ARHGEF12: variants seen among roughly 807,000 people sequenced by gnomAD.
ARHGEF12 encodes the protein Rho guanine nucleotide exchange factor 12.
ARHGEF12 carries 66 observed loss-of-function variants against 211.2 expected under a neutral mutation model. The observed-to-expected ratio is 0.31, with a 90% confidence interval of 0.26 to 0.38. The LOEUF (loss-of-function observed/expected upper bound fraction) is 0.38. ARHGEF12 is among the 10% of genes least tolerant of loss of function. The pLI is 1.00. For synonymous variants in ARHGEF12, 592 were observed against 638.4 expected, an observed-to-expected ratio of 0.93 and a Z score of 1.09; for missense variants, 1,429 against 1,869.5, an observed-to-expected ratio of 0.76 and a Z score of 4.34.
intron 3 of ARHGEF12, 93 bp downstream of exon 3, chr11:120,407,916 T>C: frequency 9.1e-7 from 1 of 1,101,292 alleles, no homozygotes; most frequent in Non-Finnish European, 1.4e-6. Flanking sequence ...GGAATAGTTG[T>C]TTGATCTGTT....
intron 5 of ARHGEF12, 79 bp from the exon 6 acceptor site, chr11:120,421,724 T>G: frequency 7.3e-7 from 1 of 1,367,710 alleles, no homozygotes; most frequent in African/African-American, 1.4e-5. Context: ...TTAACCAGTT[T>G]GTTATACTGT....
chr11:120,457,073 T>A, intron 22 of ARHGEF12, 45 bp from the exon 23 acceptor site: 1 of 1,588,046 alleles, frequency 6.3e-7, no homozygotes, highest in Non-Finnish European at 8.6e-7. Context: ...ACCAGTGACT[T>A]TATTAAGTAT....
chr11:120,421,426 C>CTTTT (rs1945181934), intron 5 of ARHGEF12, among the ~76,000 whole-genome samples: 5 of 136,916 alleles, frequency 3.7e-5, no homozygotes, highest in Admixed American at 1.5e-4. Context: ...ACTTTACAGC[C>CTTTT]TTGTTTTTTT....
At chr11:120,351,419 A>T in intron 1 of ARHGEF12, among the ~76,000 whole-genome samples, 1 of 1,788 alleles carries the variant, frequency 5.6e-4, no homozygotes, top group Non-Finnish European at 9.0e-4. Context: ...ATATATATAT[A>T]TATATATATA....
Position 120,396,856 on chromosome 11 carries a change from G to C in ARHGEF12, c.33-9262G>C, listed in dbSNP as rs886291168. ...GAAGTTAAGACTTCAGCATGTCTTT[G>C]GAGATAACACAATTCAACCTGCAAC... On this transcript the variant is annotated intron_variant, in intron 1 of 40. Transcript: ENST00000397843. Among the ~76,000 whole-genome samples, 11 of 152,138 alleles carry C rather than the reference G, an allele frequency of 7.2e-5. No individual in the cohort carries two copies. The East Asian group carries it at 2.1e-3, about 29-fold the overall frequency.
At chr11:120,393,598 A>G (rs796913713) in intron 1 of ARHGEF12, among the ~76,000 whole-genome samples, 13 of 152,358 alleles carry the variant, frequency 8.5e-5, no homozygotes, top group African/African-American at 1.7e-4. Context: ...TCGTACTGAT[A>G]AAAGGGTCAA....
At chr11:120,371,302 A>G (rs140183462) in intron 1 of ARHGEF12, among the ~76,000 whole-genome samples, 1 of 152,212 alleles carries the variant, frequency 6.6e-6, no homozygotes, top group Admixed American at 6.5e-5. Context: ...CAGCCTGACC[A>G]ACATGGAGAA....
chr11:120,457,939 C>A, intron 24 of ARHGEF12, 141 bp from the exon 25 acceptor site: 1 of 1,169,894 alleles, frequency 8.5e-7, no homozygotes, highest in Non-Finnish European at 1.2e-6. Context: ...TATAAAACAG[C>A]CATTTGTAGG....
rs75981751 is a variant in ARHGEF12, at chr11:120,467,799, T to C, written c.2854+491T>C. On this transcript the variant is annotated intron_variant, in intron 29 of 40. Transcript: ENST00000397843. ...TGTTTGATATAATGTACTCCATTAG[T>C]AGCTTTAGTACGGGGTATATCAAAC... 8.9e-3 allele frequency among the ~76,000 whole-genome samples: 1,353 copies of C among 152,262 alleles called. 90 individuals carry two copies. In the South Asian group the frequency reaches 0.16, roughly 18 times the overall value.
At chr11:120,337,932 G>A in intron 1 of ARHGEF12, 1 of 982,044 alleles carries the variant, frequency 1.0e-6, no homozygotes, top group Non-Finnish European at 1.2e-6. Flanking sequence ...GAAACACTTG[G>A]CGTTTAAGAG....
chr11:120,447,213 A>T, intron 18 of ARHGEF12, 128 bp downstream of exon 18: 1 of 1,036,418 alleles, frequency 9.6e-7, no homozygotes, highest in Non-Finnish European at 1.3e-6. Context: ...TTGTCATAGT[A>T]CTTGAGAAAC....
At chr11:120,448,037 G>A (rs558436837) in intron 19 of ARHGEF12, 131 bp downstream of exon 19, 1 of 829,382 alleles carries the variant, frequency 1.2e-6, no homozygotes, top group Non-Finnish European at 1.9e-6. Context: ...CTGGTGGCTT[G>A]TATGTTATTT....
intron 1 of ARHGEF12, among the ~76,000 whole-genome samples, chr11:120,400,474 A>G (rs1306429861): frequency 6.6e-6 from 1 of 152,186 alleles, no homozygotes; most frequent in Admixed American, 6.5e-5. Flanking sequence ...CTTTCCTAGC[A>G]GTTCTTTTTA....
intron 1 of ARHGEF12, among the ~76,000 whole-genome samples, chr11:120,390,731 A>T (rs931533893): frequency 2.6e-5 from 4 of 152,194 alleles, no homozygotes; most frequent in African/African-American, 9.6e-5. Context: ...AGGGAAGATG[A>T]TAATGGTTTC....
chr11:120,442,346 C>CTT (rs199708925), intron 15 of ARHGEF12, 144 bp downstream of exon 15: 205 of 425,522 alleles, frequency 4.8e-4, no homozygotes, highest in African/African-American at 2.1e-3. Context: ...TTACTCTAGA[C>CTT]TTTTTTTTTT....
Position 120,420,753 on chromosome 11 carries a change from G to T in ARHGEF12, c.200G>T (p.Gly67Val). The T allele has an allele frequency of 6.2e-7, 1 of 1,613,522 alleles. No individual in the cohort carries two copies. The highest frequency in any genetic ancestry group is 8.5e-7 in the Non-Finnish European group (1 of 1,179,648). The stretch of plus-strand genomic sequence containing the variant: ...GTTTTACACTGTGGTTCTTGTGCAG[G>T]TCTTGTTCAGCGTTGCGTAATCATC... ...SSEESRSEIY[G>V]LVQRCVIIQK... The change falls in exon 5 of 41, where the codon GGT becomes GTT. Residue 67 changes from glycine (G) to valine (V), a missense_variant and splice_region_variant. Around this residue, in one of 7 missense-constraint regions of ARHGEF12, gnomAD observed 60 missense variants for 121.0 expected, o/e 0.50. Coordinates refer to ENST00000397843, the MANE Select transcript of ARHGEF12 (RefSeq NM_015313.3).
At chr11:120,445,599 C>A in intron 16 of ARHGEF12, 135 bp downstream of exon 16, 1 of 955,820 alleles carries the variant, frequency 1.0e-6, no homozygotes, top group Non-Finnish European at 1.7e-6. Flanking sequence ...GTCTATAATA[C>A]ATTTAAAGAG....
chr11:120,400,943 C>T (rs1944533833), intron 1 of ARHGEF12, among the ~76,000 whole-genome samples: 1 of 152,166 alleles, frequency 6.6e-6, no homozygotes, highest in South Asian at 2.1e-4. Flanking sequence ...CCCTGCCTGT[C>T]TGTGGTTTGT....
intron 1 of ARHGEF12, among the ~76,000 whole-genome samples, chr11:120,377,801 G>A (rs928055384): frequency 1.7e-4 from 26 of 152,034 alleles, no homozygotes; most frequent in Admixed American, 1.4e-3. Context: ...CCAGTTTTTG[G>A]CTATTTTGAA....
Sources: allele counts gnomAD v4.1 joint callset (sites outside exome capture counted in the v4.1 genomes callset), GRCh38; gene constraint gnomAD v4.1.1; regional missense constraint gnomAD v4.1.1; transcripts MANE v1.5; gene names NCBI Gene and HGNC (gene_info 2026-07-23, HGNC 2026-07-21).